Variants in NT5DC1 observed in about 807,000 individuals in gnomAD.
NT5DC1 encodes the protein 5'-nucleotidase domain-containing protein 1.
Under a neutral mutation model 59.4 loss-of-function variants are expected in NT5DC1, and 42 were observed. That is an observed-to-expected ratio of 0.71 (90% CI 0.55 to 0.92). NT5DC1 has a LOEUF of 0.92. NT5DC1 is among the 40% of genes least tolerant of loss of function. The pLI is 0.00. For missense variants in NT5DC1, 501 were observed against 537.1 expected (o/e 0.93, Z 0.66); for synonymous variants, 172 against 188.1 (o/e 0.91, Z 0.70).
chr6:116,121,162 AC>A (rs768649324), intron 6 of NT5DC1: 5 of 1,612,582 alleles, frequency 3.1e-6, no homozygotes. Flanking sequence ...TGGCACCTGG[AC>A]CCCCAGGAAG....
intron 8 of NT5DC1, among the ~76,000 whole-genome samples, chr6:116,224,870 A>C (rs1159963004): frequency 1.3e-5 from 2 of 152,210 alleles, no homozygotes; most frequent in Non-Finnish European, 2.9e-5. Context: ...AGTGTGGGGA[A>C]GGATGGGAAG....
chr6:116,216,677 A>G (rs1781693663), intron 6 of NT5DC1, among the ~76,000 whole-genome samples: 1 of 151,958 alleles, frequency 6.6e-6, no homozygotes, highest in African/African-American at 2.4e-5. Context: ...TAAACCATAT[A>G]TTTTGTTATA....
Position 116,244,387 on chromosome 6 carries a change from A to G in NT5DC1, c.*363A>G, listed in dbSNP as rs1328744307. 4 of 154,580 alleles carry G rather than the reference A, an allele frequency of 2.6e-5. No individual in the cohort carries two copies. Among genetic ancestry groups the G allele is most frequent in the African/African-American group, 7.2e-5 (3 of 41,502 alleles). 9.6% of individuals were successfully genotyped at this position (154,580 alleles called of 1,614,324 possible). On this transcript the variant is annotated 3_prime_UTR_variant, in exon 12 of 12. Transcript: ENST00000319550. Reference sequence around the variant, plus strand: ...GCATTACCTGAGAACTTGATAATGCATATTTGCAGGCCCCACGCAAAACCT... The same window carrying G: ...GCATTACCTGAGAACTTGATAATGCGTATTTGCAGGCCCCACGCAAAACCT...
chr6:116,235,306 T>A (rs1207129141), intron 8 of NT5DC1, among the ~76,000 whole-genome samples: 1 of 152,196 alleles, frequency 6.6e-6, no homozygotes, highest in Non-Finnish European at 1.5e-5. Context: ...CTTTTTACTG[T>A]GTTTCTCCAG....
rs181920051 is a variant in NT5DC1, at chr6:116,247,400, G to A, written c.*3376G>A. The A allele has an allele frequency of 6.6e-6, 1 of 152,168 alleles. No individual in the cohort carries two copies. The highest frequency in any genetic ancestry group is 6.6e-5 in the Admixed American group (1 of 15,266). 9.4% of individuals were successfully genotyped at this position (152,168 alleles called of 1,614,324 possible). On this transcript the variant is annotated 3_prime_UTR_variant, in exon 12 of 12. Transcript: ENST00000319550. ...CCACACATGTCAAGGTCATCAGTAAGCAGGCCTACTCTTTCTTCATATTCT... is the reference window on the plus strand; with the variant it reads ...CCACACATGTCAAGGTCATCAGTAAACAGGCCTACTCTTTCTTCATATTCT...
At position 116,120,671 on chromosome 6, in the gene NT5DC1, G is replaced by A; in HGVS notation, c.529+2726G>A. On this transcript the variant is annotated intron_variant, in intron 6 of 11. Transcript: ENST00000319550. ...CCCGGTGGGTCCATTGAGGCCCTTAGTTGCTATGCCAGCTGGGCCAGGAGG... is the reference window on the plus strand; with the variant it reads ...CCCGGTGGGTCCATTGAGGCCCTTAATTGCTATGCCAGCTGGGCCAGGAGG... The A allele has an allele frequency of 1.9e-6, 3 of 1,546,546 alleles. No individual in the cohort carries two copies. The South Asian group carries it at 3.8e-5, about 20-fold the overall frequency.
At chr6:116,223,983 A>G (rs1187640854) in intron 8 of NT5DC1, among the ~76,000 whole-genome samples, 2 of 152,212 alleles carry the variant, frequency 1.3e-5, no homozygotes, top group Non-Finnish European at 2.9e-5. Flanking sequence ...TAAAATTAAC[A>G]TACATGCATA....
intron 11 of NT5DC1, 101 bp from the exon 12 acceptor site, chr6:116,243,808 C>T (rs1376154686): frequency 1.3e-5 from 7 of 542,364 alleles, no homozygotes; most frequent in South Asian, 8.7e-5. Context: ...TAAAATTTTA[C>T]GTCTAAAAAA....
chr6:116,215,467 T>C (rs1781671269), intron 6 of NT5DC1, among the ~76,000 whole-genome samples: 1 of 152,132 alleles, frequency 6.6e-6, no homozygotes, highest in South Asian at 2.1e-4. Flanking sequence ...CCCTATGAAA[T>C]TGTACCTCAC....
intron 11 of NT5DC1, 62 bp from the exon 12 acceptor site, chr6:116,243,847 G>A: frequency 1.6e-6 from 1 of 644,456 alleles, no homozygotes; most frequent in Non-Finnish European, 2.8e-6. Flanking sequence ...ATCAAGTTTT[G>A]ATTTGTTTAT....
At chr6:116,128,471 T>C (rs1456991451) in intron 6 of NT5DC1, among the ~76,000 whole-genome samples, 3 of 152,192 alleles carry the variant, frequency 2.0e-5, no homozygotes, top group African/African-American at 7.2e-5. Flanking sequence ...CTCTTTAAAC[T>C]CTATAACCTG....
At chr6:116,208,544 T>C (rs1781506517) in intron 6 of NT5DC1, among the ~76,000 whole-genome samples, 1 of 152,190 alleles carries the variant, frequency 6.6e-6, no homozygotes, top group South Asian at 2.1e-4. Context: ...ACTTAGGCAA[T>C]AGTGCCTTTA....
At chr6:116,164,863 C>T (rs1780425196) in intron 6 of NT5DC1, among the ~76,000 whole-genome samples, 1 of 152,054 alleles carries the variant, frequency 6.6e-6, no homozygotes, top group African/African-American at 2.4e-5. Flanking sequence ...GCAGGCAGAT[C>T]ATAAGGTCAG....
At chr6:116,156,935 C>T (rs2114414743) in intron 6 of NT5DC1, among the ~76,000 whole-genome samples, 1 of 152,236 alleles carries the variant, frequency 6.6e-6, no homozygotes, top group South Asian at 2.1e-4. Context: ...GGTGCATTGA[C>T]CAGCCACTCA....
intron 1 of NT5DC1, among the ~76,000 whole-genome samples, chr6:116,102,961 C>G (rs544105126): frequency 4.6e-5 from 7 of 152,362 alleles, no homozygotes; most frequent in African/African-American, 7.2e-5. Context: ...TCTTAAACAT[C>G]GTTCCCCTTA....
In NT5DC1 at chr6:116,174,341, C is replaced by T. The variant is rs144251091; in HGVS notation, c.530-46713C>T. ...AAAATATACTTATTTGGAAATCTTC[C>T]GTAAGAAATATCATAGACATACCAT... On this transcript the variant is annotated intron_variant, in intron 6 of 11. Coordinates refer to ENST00000319550, the MANE Select transcript of NT5DC1 (RefSeq NM_152729.3). 3.6e-3 allele frequency among the ~76,000 whole-genome samples: 552 copies of T among 152,182 alleles called. 3 individuals are homozygous for T. The highest frequency in any genetic ancestry group is 0.013 in the African/African-American group (521 of 41,522).
chr6:116,115,153 A>G (rs921781689), intron 4 of NT5DC1, among the ~76,000 whole-genome samples: 1 of 152,230 alleles, frequency 6.6e-6, no homozygotes, highest in African/African-American at 2.4e-5. Flanking sequence ...CCTATACTCT[A>G]CAGTTTTTAA....
In NT5DC1 at chr6:116,247,142, T is replaced by G. The variant is rs1009641524; in HGVS notation, c.*3118T>G. ...CTTGATACATAATGTCTTCCAATAT[T>G]GAATCTAGACTAGGGCAAATTCTCA... On this transcript the variant is annotated 3_prime_UTR_variant, in exon 12 of 12. Transcript: ENST00000319550. 1 of 152,134 alleles carries G rather than the reference T, an allele frequency of 6.6e-6. No individual in the cohort carries two copies. The highest frequency in any genetic ancestry group is 1.5e-5 in the Non-Finnish European group (1 of 68,000). 9.4% of individuals were successfully genotyped at this position (152,134 alleles called of 1,614,324 possible). A position where few individuals can be genotyped will look rare whatever the true frequency, so the allele number is the denominator to read the frequency against.
At chr6:116,121,863 A>G (rs1258786913) in intron 6 of NT5DC1, 1 of 1,613,692 alleles carries the variant, frequency 6.2e-7, no homozygotes, top group East Asian at 2.2e-5. Flanking sequence ...GGACTTCCGT[A>G]GCCTGGTTTT....
Sources: allele counts gnomAD v4.1 joint callset (sites outside exome capture counted in the v4.1 genomes callset), GRCh38; gene constraint gnomAD v4.1.1; transcripts MANE v1.5; gene names NCBI Gene and HGNC (gene_info 2026-07-23, HGNC 2026-07-21).